Variants in INPP5D observed in about 807,000 individuals in gnomAD.
INPP5D encodes phosphatidylinositol 3,4,5-trisphosphate 5-phosphatase 1.
Under a neutral mutation model 122.9 loss-of-function variants are expected in INPP5D, and 33 were observed. The observed-to-expected ratio is 0.27, with a 90% confidence interval of 0.20 to 0.36. The LOEUF is 0.36. Ranked by LOEUF, INPP5D falls within the 10% of genes least tolerant of loss-of-function variation. INPP5D has a pLI of 1.00. For synonymous variants in INPP5D, 584 were observed against 576.2 expected (o/e 1.01, Z -0.19); for missense variants, 1,053 against 1,412.7 (o/e 0.75, Z 4.08).
chr2:233,119,194 C>T (rs1334608601), intron 2 of INPP5D, among the ~76,000 whole-genome samples: 1 of 152,232 alleles, frequency 6.6e-6, no homozygotes, highest in Non-Finnish European at 1.5e-5. Context: ...CTCACTCAAA[C>T]ACGCGTTCTT....
intron 1 of INPP5D, among the ~76,000 whole-genome samples, chr2:233,079,064 A>G (rs1480245927): frequency 6.6e-6 from 1 of 152,018 alleles, no homozygotes; most frequent in African/African-American, 2.4e-5. Context: ...TTTAGATCAG[A>G]TCCTTTAGCT....
Position 233,190,657 on chromosome 2 carries a change from C to T in INPP5D, c.2446+720C>T, listed in dbSNP as rs1272663342. On this transcript the variant is annotated intron_variant, in intron 22 of 26. Coordinates refer to ENST00000445964, the MANE Select transcript of INPP5D (RefSeq NM_001017915.3). ...CCCACAGCCAGAGAGACAGCAGGGG[C>T]TTTTGTACCATCTCTGCCTGTTTGT... Among the ~76,000 whole-genome samples the T allele has an allele frequency of 3.3e-5, 5 of 152,352 alleles. No homozygotes were observed. The East Asian group carries it at 9.7e-4, about 29-fold the overall frequency.
chr2:233,169,266 G>A (rs773692195), intron 13 of INPP5D, 39 bp from the exon 14 acceptor site: 11 of 1,562,220 alleles, frequency 7.0e-6, no homozygotes, highest in Non-Finnish European at 9.5e-6. Flanking sequence ...AAGTGTGTCT[G>A]TTTGATATTT....
At chr2:233,113,987 T>G (rs1692711493) in intron 2 of INPP5D, among the ~76,000 whole-genome samples, 1 of 147,792 alleles carries the variant, frequency 6.8e-6, no homozygotes, top group Non-Finnish European at 1.5e-5. Context: ...CTCAGCTCAC[T>G]GCAAGCTCCG....
intron 2 of INPP5D, among the ~76,000 whole-genome samples, chr2:233,081,289 A>T (rs1691682157): frequency 6.6e-6 from 1 of 151,888 alleles, no homozygotes; most frequent in East Asian, 1.9e-4. Context: ...CATTTTTTTC[A>T]AGTCTAGGAG....
Position 233,189,748 on chromosome 2 carries a change from T to G in INPP5D, c.2359-102T>G. ...TGGACAGCAGAGATTTAGATCTGATTACTAAGAACACCTTTCGTCATCTTC... is the reference window on the plus strand; with the variant it reads ...TGGACAGCAGAGATTTAGATCTGATGACTAAGAACACCTTTCGTCATCTTC... On this transcript the variant is annotated intron_variant, in intron 21 of 26. Transcript: ENST00000445964. The surrounding 1 kb of genome is among the most constrained non-coding windows in gnomAD (Gnocchi z 5.6). 6.6e-7 allele frequency: 1 copy of G among 1,514,496 alleles called. No individual in the cohort carries two copies. Among genetic ancestry groups the G allele is most frequent in the African/African-American group, 1.4e-5 (1 of 72,778 alleles). The allele number at this position is 1,514,496 out of a possible 1,614,324, so 93.8% of individuals were successfully genotyped here.
chr2:233,204,187 A>G lies in INPP5D; in HGVS notation c.3037A>G (p.Lys1013Glu). The G allele has an allele frequency of 6.2e-7, 1 of 1,610,112 alleles. No individual in the cohort carries two copies. The highest frequency in any genetic ancestry group is 8.5e-7 in the Non-Finnish European group (1 of 1,178,400). The change falls in exon 26 of 27, where the codon AAG becomes GAG. Residue 1013 changes from lysine (K) to glutamate (E), a missense_variant. Physicochemically the swap from Lys to Glu is moderately conservative, Grantham distance 56. Coordinates refer to ENST00000445964, the MANE Select transcript of INPP5D (RefSeq NM_001017915.3). ...GCCTCAGGAGGACCTGCCGCTGACGAAGCCCGAGATGTTTGAGAACCCCCT... is the reference window on the plus strand; with the variant it reads ...GCCTCAGGAGGACCTGCCGCTGACGGAGCCCGAGATGTTTGAGAACCCCCT... ...TLPQEDLPLT[K>E]PEMFENPLYG...
intron 13 of INPP5D, chr2:233,169,016 C>T (rs1694418010): frequency 2.7e-6 from 1 of 369,510 alleles, no homozygotes; most frequent in East Asian, 5.7e-5. Flanking sequence ...CTTCTGGCTG[C>T]CCGCTTAGCA....
chr2:233,083,517 G>A (rs1308598034), intron 2 of INPP5D, among the ~76,000 whole-genome samples: 1 of 152,218 alleles, frequency 6.6e-6, no homozygotes, highest in Non-Finnish European at 1.5e-5. Flanking sequence ...GACGAAGGCA[G>A]AACGGCTCAG....
chr2:233,177,623 G>A lies in INPP5D; in HGVS notation c.2071+277G>A, dbSNP rs1023251048. ...GAGTCTCACTCTGTCACCCAGGCTG[G>A]AGTACAATGGCATGATCTCATCTCA... On this transcript the variant is annotated intron_variant, in intron 18 of 26. Transcript: ENST00000445964. The surrounding 1 kb of genome is among the most constrained non-coding windows in gnomAD (Gnocchi z 4.2). Among the ~76,000 whole-genome samples, 2 of 152,124 alleles carry A rather than the reference G, an allele frequency of 1.3e-5. No homozygotes were observed. The highest frequency in any genetic ancestry group is 2.9e-5 in the Non-Finnish European group (2 of 68,016).
chr2:233,061,833 C>T (rs1691083459), intron 1 of INPP5D, among the ~76,000 whole-genome samples: 1 of 152,228 alleles, frequency 6.6e-6, no homozygotes, highest in African/African-American at 2.4e-5. Flanking sequence ...TCTCCTGCTC[C>T]CAGTCCAGCG....
intron 2 of INPP5D, among the ~76,000 whole-genome samples, chr2:233,088,968 G>A (rs570948544): frequency 6.6e-6 from 1 of 152,346 alleles, no homozygotes; most frequent in South Asian, 2.1e-4. Context: ...CCTAGACCCT[G>A]TCTGCCTTGG....
intron 5 of INPP5D, among the ~76,000 whole-genome samples, chr2:233,134,497 AG>A (rs1693413200): frequency 6.6e-6 from 1 of 152,140 alleles, no homozygotes; most frequent in Non-Finnish European, 1.5e-5. Flanking sequence ...TTGAGCACTG[AG>A]GAGTAAGGAG....
intron 2 of INPP5D, among the ~76,000 whole-genome samples, chr2:233,090,170 A>G (rs1373091069): frequency 1.3e-5 from 2 of 152,216 alleles, no homozygotes; most frequent in African/African-American, 2.4e-5. Context: ...ACCTGGCTTG[A>G]GAAGAGGCTT....
At chr2:233,179,612 A>G (rs1331107213) in intron 18 of INPP5D, among the ~76,000 whole-genome samples, 1 of 152,196 alleles carries the variant, frequency 6.6e-6, no homozygotes, top group Non-Finnish European at 1.5e-5. Context: ...CTCACCAGAG[A>G]GGCAGCAGTG....
chr2:233,160,290 T>G lies in INPP5D; in HGVS notation c.1138-1434T>G, dbSNP rs1559325980. On this transcript the variant is annotated intron_variant, in intron 10 of 26. Coordinates refer to ENST00000445964, the MANE Select transcript of INPP5D (RefSeq NM_001017915.3). This position sits in a 1 kb window ranked among gnomAD's most constrained non-coding sequence, Gnocchi z 4.2. ...ATGTCATATGTTACACCCTGAAATT[T>G]GTGTACTTTGTTAAAGTCCGCCTGC... Among the ~76,000 whole-genome samples the G allele has an allele frequency of 6.6e-6, 1 of 152,264 alleles. No individual in the cohort carries two copies. The highest frequency in any genetic ancestry group is 1.5e-5 in the Non-Finnish European group (1 of 68,042).
intron 4 of INPP5D, among the ~76,000 whole-genome samples, chr2:233,126,366 G>A (rs987519289): frequency 6.6e-6 from 1 of 152,168 alleles, no homozygotes; most frequent in African/African-American, 2.4e-5. Flanking sequence ...GGCTGCCAGG[G>A]CTGCCCTCCT....
rs566136875 is a variant in INPP5D at position 233,118,938 on chromosome 2, C to A, written c.199-3169C>A. On this transcript the variant is annotated intron_variant, in intron 2 of 26. Coordinates refer to ENST00000445964, the MANE Select transcript of INPP5D (RefSeq NM_001017915.3). ...ACCCTGGCTCCCTGGCCTCTGGGAG[C>A]GGGCCAGGCACACGCGGTGGCCTCA... Among the ~76,000 whole-genome samples, 4 of 152,344 alleles carry A rather than the reference C, an allele frequency of 2.6e-5. No homozygotes were observed. The East Asian group carries it at 5.8e-4, about 22-fold the overall frequency.
intron 8 of INPP5D, among the ~76,000 whole-genome samples, chr2:233,147,183 G>C (rs985693796): frequency 2.6e-5 from 4 of 152,234 alleles, no homozygotes; most frequent in Non-Finnish European, 5.9e-5. Flanking sequence ...AAAGTCATCA[G>C]TGAATGAACC....
Sources: gnomAD v4.1 joint callset for allele counts (sites outside exome capture counted in the v4.1 genomes callset) on GRCh38, gnomAD v4.1.1 for gene constraint, Gnocchi (gnomAD v3.1) non-coding constraint, MANE v1.5 for transcripts, NCBI Gene and HGNC (gene_info 2026-07-23, HGNC 2026-07-21) for gene names.